Variants in AK9 observed in about 807,000 individuals in gnomAD.
The protein encoded by AK9 is adenylate kinase domain containing 1.
In AK9, 191 loss-of-function variants were observed where a neutral mutation model predicts 239.6. The ratio of observed to expected loss-of-function variants is 0.80; its 90% confidence interval spans 0.71 to 0.90. AK9 has a LOEUF of 0.90. AK9 is among the 40% of genes least tolerant of loss of function. AK9 has a pLI of 0.00. For synonymous variants in AK9, 689 were observed against 721.0 expected (o/e 0.96, Z 0.71); for missense variants, 1,995 against 2,214.7 (o/e 0.90, Z 1.99).
In AK9 at chr6:109,509,432, G is replaced by A. The variant is rs973268337; in HGVS notation, c.4280-52C>T. On this transcript the variant is annotated intron_variant, in intron 32 of 40. Coordinates refer to ENST00000424296, the MANE Select transcript of AK9 (RefSeq NM_001145128.3). ...AATTAAATGATTTAGATTCAGGGGG[G>A]ACATGTGCAGTTTTGTTACATGGGT... 5.5e-6 allele frequency: 8 copies of A among 1,467,842 alleles called. No individual in the cohort carries two copies. In the African/African-American group the frequency reaches 9.9e-5, roughly 18 times the overall value. 90.9% of individuals were successfully genotyped at this position (1,467,842 alleles called of 1,614,324 possible). A position where few individuals can be genotyped will look rare whatever the true frequency, so the allele number is the denominator to read the frequency against.
chr6:109,613,781 T>C (rs117169550), intron 15 of AK9, among the ~76,000 whole-genome samples: 1,697 of 151,838 alleles, frequency 0.011, 22 homozygotes, highest in Non-Finnish European at 0.017. Flanking sequence ...CAAATATGAA[T>C]AGAAAAATTT....
intron 17 of AK9, among the ~76,000 whole-genome samples, chr6:109,608,278 C>CAAAA (rs568305228): frequency 1.8e-5 from 1 of 54,736 alleles, no homozygotes; most frequent in Non-Finnish European, 3.8e-5. Context: ...GACTCTGGCT[C>CAAAA]AAAAAAAAAA....
chr6:109,534,649 C>T (rs1252215966), intron 27 of AK9, among the ~76,000 whole-genome samples: 10 of 151,748 alleles, frequency 6.6e-5, no homozygotes, highest in South Asian at 2.1e-4. Context: ...ATGTGCACAA[C>T]GTGCAGGTTT....
chr6:109,564,863 A>T lies in AK9; in HGVS notation c.2345-18T>A. 6.7e-7 allele frequency: 1 copy of T among 1,494,492 alleles called. No individual in the cohort carries two copies. Among genetic ancestry groups the T allele is most frequent in the Non-Finnish European group, 9.0e-7 (1 of 1,110,138 alleles). The allele number at this position is 1,494,492 out of a possible 1,614,324, so 92.6% of individuals were successfully genotyped here. ...CTCAGATACTTAAGAAAGAAATCGA[A>T]TAGTTAGTGTTTAAATTTGAAAACA... On this transcript the variant is annotated intron_variant, in intron 21 of 40. Coordinates refer to ENST00000424296, the MANE Select transcript of AK9 (RefSeq NM_001145128.3).
chr6:109,656,059 G>C lies in AK9; in HGVS notation c.759+697C>G, dbSNP rs115726716. Among the ~76,000 whole-genome samples the C allele has an allele frequency of 7.0e-3, 1,072 of 152,278 alleles. 11 individuals carry two copies. The highest frequency in any genetic ancestry group is 0.025 in the African/African-American group (1,022 of 41,562). ...TATGGGAATAGGCAATTGGAGGACT[G>C]TGTTTTATTTGTCTTCACAGTTCTG... On this transcript the variant is annotated intron_variant, in intron 8 of 40. Transcript: ENST00000424296.
intron 29 of AK9, among the ~76,000 whole-genome samples, chr6:109,527,109 G>A (rs9487136): frequency 0.029 from 4,441 of 152,258 alleles, 204 homozygotes; most frequent in African/African-American, 0.094. Flanking sequence ...ACCCAGAGAC[G>A]GAGCCAGGGG....
chr6:109,608,526 T>C (rs916094280), intron 17 of AK9, among the ~76,000 whole-genome samples: 13 of 152,124 alleles, frequency 8.5e-5, no homozygotes, highest in Admixed American at 6.6e-5. Flanking sequence ...AGTACCTTTT[T>C]ATATGTATAT....
chr6:109,594,774 T>C (rs1404434481), intron 17 of AK9, among the ~76,000 whole-genome samples: 3 of 152,144 alleles, frequency 2.0e-5, no homozygotes, highest in Non-Finnish European at 4.4e-5. Context: ...ATTCCCTGTT[T>C]AATAAACGCT....
intron 25 of AK9, among the ~76,000 whole-genome samples, chr6:109,547,309 T>C (rs1332752574): frequency 6.6e-6 from 1 of 152,224 alleles, no homozygotes; most frequent in African/African-American, 2.4e-5. Flanking sequence ...TAAGGCAATA[T>C]ATTGTGATGT....
intron 21 of AK9, among the ~76,000 whole-genome samples, chr6:109,568,974 C>T (rs889084398): frequency 6.6e-6 from 1 of 152,146 alleles, no homozygotes; most frequent in African/African-American, 2.4e-5. Context: ...ATTGCCAAGA[C>T]AATCCTAAGC....
intron 8 of AK9, among the ~76,000 whole-genome samples, chr6:109,651,845 C>G (rs994123346): frequency 6.6e-6 from 1 of 152,144 alleles, no homozygotes; most frequent in African/African-American, 2.4e-5. Context: ...CCTCCCAAGA[C>G]TAAACCAGGA....
rs190118690 is a variant in AK9 at position 109,626,811 on chromosome 6, C to A, written c.1254+6112G>T. Among the ~76,000 whole-genome samples the A allele has an allele frequency of 1.2e-3, 189 of 152,264 alleles. 1 individual carries two copies. The highest frequency in any genetic ancestry group is 2.4e-3 in the Non-Finnish European group (164 of 68,012). On this transcript the variant is annotated intron_variant, in intron 12 of 40. Transcript: ENST00000424296. ...TATAGGGAACTTACCATGAATGAAA[C>A]TTGCAAGTCTAGAAGTTGATCTGGG...
At chr6:109,681,734 A>G (rs183547195) in intron 1 of AK9, among the ~76,000 whole-genome samples, 2 of 152,222 alleles carry the variant, frequency 1.3e-5, no homozygotes, top group Non-Finnish European at 2.9e-5. Context: ...AACAGAAATC[A>G]TAACAGTCTC....
chr6:109,602,708 C>A (rs1433741368), intron 17 of AK9, among the ~76,000 whole-genome samples: 1 of 152,204 alleles, frequency 6.6e-6, no homozygotes, highest in Non-Finnish European at 1.5e-5. Context: ...TTCAGGTACA[C>A]CAATCAGACG....
At chr6:109,656,608 G>T in intron 8 of AK9, 148 bp downstream of exon 8, 1 of 801,532 alleles carries the variant, frequency 1.2e-6, no homozygotes, top group Non-Finnish European at 1.9e-6. Context: ...CTTTGGGATG[G>T]AGGCCTTTTT....
At chr6:109,532,268 AATGAAAT>A (rs1781375073) in intron 28 of AK9, among the ~76,000 whole-genome samples, 1 of 152,178 alleles carries the variant, frequency 6.6e-6, no homozygotes, top group African/African-American at 2.4e-5. Flanking sequence ...TCTTGCTAAG[AATGAAAT>A]ATACTTTCCC....
chr6:109,595,701 G>A (rs918968890), intron 17 of AK9, among the ~76,000 whole-genome samples: 1 of 152,286 alleles, frequency 6.6e-6, no homozygotes, highest in East Asian at 1.9e-4. Context: ...GTCCTTTGCA[G>A]TGACATGGAT....
At chr6:109,544,277 T>C (rs1016013964) in intron 26 of AK9, among the ~76,000 whole-genome samples, 2 of 152,184 alleles carry the variant, frequency 1.3e-5, no homozygotes, top group Non-Finnish European at 1.5e-5. Flanking sequence ...ATGGTTAAAA[T>C]GTGAGTTAGA....
chr6:109,618,833 A>C (rs1794490845), intron 13 of AK9, among the ~76,000 whole-genome samples: 1 of 152,170 alleles, frequency 6.6e-6, no homozygotes, highest in Non-Finnish European at 1.5e-5. Context: ...CAGTCTGCCC[A>C]GTAAGGTAGA....
Sources: allele counts gnomAD v4.1 joint callset (sites outside exome capture counted in the v4.1 genomes callset), GRCh38; gene constraint gnomAD v4.1.1; transcripts MANE v1.5; gene names NCBI Gene and HGNC (gene_info 2026-07-23, HGNC 2026-07-21).